The following DLG2 variants were observed in gnomAD, a reference collection of about 807,000 sequenced individuals.
DLG2 encodes disks large homolog 2.
Under a neutral mutation model 132.5 loss-of-function variants are expected in DLG2, and 45 were observed. The observed-to-expected ratio is 0.34, with a 90% CI of 0.27 to 0.44. The LOEUF (loss-of-function observed/expected upper bound fraction) is 0.44. Ranked by LOEUF, DLG2 falls within the 20% of genes least tolerant of loss-of-function variation. The pLI is 1.00. For synonymous variants in DLG2, 424 were observed against 419.6 expected (o/e 1.01, Z -0.13); for missense variants, 1,045 against 1,196.9 (o/e 0.87, Z 1.87).
chr11:84,433,814 T>C (rs1313677603), intron 7 of DLG2, among the ~76,000 whole-genome samples: 1 of 152,174 alleles, frequency 6.6e-6, no homozygotes, highest in Non-Finnish European at 1.5e-5. Flanking sequence ...AATTAAAAGC[T>C]ATTCAAATAG....
intron 15 of DLG2, among the ~76,000 whole-genome samples, chr11:83,879,004 G>C (rs1437382026): frequency 5.9e-5 from 9 of 152,116 alleles, no homozygotes. Context: ...AGAACTCTCT[G>C]ATTTTTTCCA....
At chr11:84,258,063 G>C (rs1024946633) in intron 7 of DLG2, among the ~76,000 whole-genome samples, 4 of 152,030 alleles carry the variant, frequency 2.6e-5, no homozygotes, top group African/African-American at 7.2e-5. Context: ...CCTTGATCTT[G>C]GCTGGCCCAA....
intron 8 of DLG2, among the ~76,000 whole-genome samples, chr11:84,231,783 G>C (rs2097097202): frequency 6.6e-6 from 1 of 152,174 alleles, no homozygotes; most frequent in Non-Finnish European, 1.5e-5. Context: ...AGAGAGCTAT[G>C]TGGACAGGAG....
chr11:84,263,117 A>C (rs973892959), intron 7 of DLG2, among the ~76,000 whole-genome samples: 3 of 152,140 alleles, frequency 2.0e-5, no homozygotes, highest in Non-Finnish European at 2.9e-5. Flanking sequence ...GAGTCTCCCC[A>C]GTTAGTTTTA....
intron 6 of DLG2, among the ~76,000 whole-genome samples, chr11:84,628,025 T>C (rs2099625595): frequency 6.6e-6 from 1 of 151,962 alleles, no homozygotes; most frequent in Non-Finnish European, 1.5e-5. Context: ...TCAGTGACAA[T>C]GGTAAATTAC....
intron 8 of DLG2, among the ~76,000 whole-genome samples, chr11:84,169,956 C>A (rs1451345777): frequency 2.0e-5 from 3 of 152,088 alleles, no homozygotes; most frequent in African/African-American, 7.2e-5. Flanking sequence ...TTCCCTTGCC[C>A]AGTATTGATC....
chr11:83,944,226 A>G (rs78472407), intron 14 of DLG2, among the ~76,000 whole-genome samples: 6,764 of 152,286 alleles, frequency 0.044, 428 homozygotes, highest in African/African-American at 0.14. Context: ...AACCATACAT[A>G]TGGCTTTCCC....
chr11:83,961,126 G>C (rs112057941), intron 14 of DLG2, among the ~76,000 whole-genome samples: 3 of 152,030 alleles, frequency 2.0e-5, no homozygotes, highest in African/African-American at 7.2e-5. Context: ...TAATGTGCCA[G>C]GCACCTTTCT....
intron 19 of DLG2, among the ~76,000 whole-genome samples, chr11:83,542,538 A>G (rs1400852363): frequency 6.6e-6 from 1 of 152,212 alleles, no homozygotes; most frequent in Admixed American, 6.5e-5. Context: ...GTGCTTCCAT[A>G]CGATGCCTAG....
At chr11:84,928,840 C>T (rs2154089884) in intron 6 of DLG2, among the ~76,000 whole-genome samples, 1 of 150,388 alleles carries the variant, frequency 6.6e-6, no homozygotes, top group African/African-American at 2.4e-5. Flanking sequence ...CATTTATATA[C>T]CTGGAAGTGT....
chr11:84,839,397 T>C (rs559110906), intron 6 of DLG2, among the ~76,000 whole-genome samples: 1 of 152,024 alleles, frequency 6.6e-6, no homozygotes, highest in East Asian at 1.9e-4. Flanking sequence ...AGAATCAATA[T>C]CATGAAAATG....
At chr11:83,980,755 T>C (rs2092704359) in intron 11 of DLG2, 113 bp from the exon 12 acceptor site, 2 of 1,010,158 alleles carry the variant, frequency 2.0e-6, no homozygotes, top group African/African-American at 3.3e-5. Flanking sequence ...CAACTTATTG[T>C]AACAGCAATA....
At chr11:84,169,724 C>T (rs894085361) in intron 8 of DLG2, among the ~76,000 whole-genome samples, 3 of 151,964 alleles carry the variant, frequency 2.0e-5, no homozygotes, top group Admixed American at 1.3e-4. Flanking sequence ...AATACAAAAA[C>T]TAGCTGGGCA....
intron 16 of DLG2, among the ~76,000 whole-genome samples, chr11:83,850,356 T>C (rs2059533294): frequency 6.6e-6 from 1 of 152,130 alleles, no homozygotes; most frequent in African/African-American, 2.4e-5. Context: ...GGTTTCACCG[T>C]GTTAGCCAGG....
intron 3 of DLG2, among the ~76,000 whole-genome samples, chr11:85,520,808 A>G (rs2074250312): frequency 1.3e-5 from 2 of 152,198 alleles, no homozygotes; most frequent in African/African-American, 4.8e-5. Context: ...CTGGATATTC[A>G]TATGCAGAAG....
chr11:85,600,550 A>T (rs1330691374), intron 2 of DLG2, among the ~76,000 whole-genome samples: 1 of 152,224 alleles, frequency 6.6e-6, no homozygotes, highest in Non-Finnish European at 1.5e-5. Context: ...TACAACCTTT[A>T]ATTGTAAATT....
chr11:84,269,599 C>A (rs1462013157), intron 7 of DLG2, among the ~76,000 whole-genome samples: 1 of 152,166 alleles, frequency 6.6e-6, no homozygotes, highest in African/African-American at 2.4e-5. Context: ...ATTAGGGGTT[C>A]TCCTGATTTA....
intron 15 of DLG2, among the ~76,000 whole-genome samples, chr11:83,886,157 T>C (rs1213421725): frequency 6.6e-6 from 1 of 152,118 alleles, no homozygotes; most frequent in Non-Finnish European, 1.5e-5. Context: ...GACTGGCAAA[T>C]TGGATAAAGA....
chr11:84,363,890 C>G (rs892463400), intron 7 of DLG2, among the ~76,000 whole-genome samples: 5 of 152,078 alleles, frequency 3.3e-5, no homozygotes, highest in African/African-American at 9.7e-5. Context: ...GGTACCAGTA[C>G]CATGCTGTTT....
Sources: gnomAD v4.1 joint callset for allele counts (sites outside exome capture counted in the v4.1 genomes callset) on GRCh38, gnomAD v4.1.1 for gene constraint, MANE v1.5 for transcripts, NCBI Gene and HGNC (gene_info 2026-07-23, HGNC 2026-07-21) for gene names.